HECW2: variants seen among roughly 807,000 people sequenced by gnomAD.
HECW2 encodes the protein E3 ubiquitin-protein ligase HECW2.
A neutral mutation model predicts 175.2 loss-of-function variants in HECW2; 61 were observed. That is an observed-to-expected ratio of 0.35 (90% CI 0.28 to 0.43). The LOEUF (loss-of-function observed/expected upper bound fraction) is 0.43. Ranked by LOEUF, HECW2 falls within the 20% of genes least tolerant of loss-of-function variation. HECW2 has a pLI of 1.00. For synonymous variants in HECW2, 671 were observed against 731.0 expected (o/e 0.92, Z 1.32); for missense variants, 1,524 against 2,000.5 (o/e 0.76, Z 4.54).
chr2:196,473,388 C>T (rs1225308012), intron 1 of HECW2, among the ~76,000 whole-genome samples: 2 of 152,156 alleles, frequency 1.3e-5, no homozygotes, highest in East Asian at 3.8e-4. Context: ...TATTCCTGCA[C>T]AGTGGTATGT....
intron 1 of HECW2, among the ~76,000 whole-genome samples, chr2:196,441,496 G>A (rs560827259): frequency 1.3e-5 from 2 of 152,080 alleles, no homozygotes; most frequent in South Asian, 2.1e-4. Flanking sequence ...TACATTTATA[G>A]TCAAGATATA....
chr2:196,491,347 C>T (rs1411479265), intron 1 of HECW2, among the ~76,000 whole-genome samples: 1 of 142,454 alleles, frequency 7.0e-6, no homozygotes, highest in Non-Finnish European at 1.5e-5. Flanking sequence ...ATGTCTAAAA[C>T]AAATACAAAA....
intron 1 of HECW2, among the ~76,000 whole-genome samples, chr2:196,573,145 G>A (rs1690443666): frequency 1.3e-5 from 2 of 151,700 alleles, no homozygotes; most frequent in African/African-American, 4.8e-5. Flanking sequence ...CAGGAGAGTG[G>A]CAGGCAGTTT....
At chr2:196,505,457 T>C (rs887825019) in intron 1 of HECW2, among the ~76,000 whole-genome samples, 2 of 152,032 alleles carry the variant, frequency 1.3e-5, no homozygotes, top group African/African-American at 4.8e-5. Context: ...GGAGAATCGC[T>C]TGAACCCAGG....
At chr2:196,509,915 C>T (rs115001147) in intron 1 of HECW2, among the ~76,000 whole-genome samples, 1,654 of 152,292 alleles carry the variant, frequency 0.011, 36 homozygotes, top group African/African-American at 0.038. Context: ...ACAATACAAT[C>T]GCTTGCTCTG....
rs140613868 is a variant in HECW2 at position 196,420,167 on chromosome 2, G to A, written c.292+12965C>T. 1.8e-3 allele frequency among the ~76,000 whole-genome samples: 279 copies of A among 152,238 alleles called. 1 individual carries two copies. Among genetic ancestry groups the A allele is most frequent in the African/African-American group, 6.2e-3 (258 of 41,540 alleles). Reference sequence around the variant, plus strand: ...TGAAAATGTGGAAGAATCCCTTAACGTCACCACTAAATCTGAGTTACAATA... The same window carrying A: ...TGAAAATGTGGAAGAATCCCTTAACATCACCACTAAATCTGAGTTACAATA... On this transcript the variant is annotated intron_variant, in intron 2 of 28. Transcript: ENST00000644978.
chr2:196,373,024 C>T (rs192106875), intron 2 of HECW2, among the ~76,000 whole-genome samples: 1 of 152,174 alleles, frequency 6.6e-6, no homozygotes, highest in African/African-American at 2.4e-5. Flanking sequence ...CAGCACACGA[C>T]CTGGTGCAGA....
At chr2:196,570,244 C>T (rs779823329) in intron 1 of HECW2, among the ~76,000 whole-genome samples, 11 of 151,958 alleles carry the variant, frequency 7.2e-5, no homozygotes, top group East Asian at 3.9e-4. Context: ...CTTTACAACA[C>T]GAGAAATGTA....
At chr2:196,573,615 G>C in intron 1 of HECW2, among the ~76,000 whole-genome samples, 1 of 152,060 alleles carries the variant, frequency 6.6e-6, no homozygotes, top group Middle Eastern at 3.2e-3. Context: ...AATAGGACCT[G>C]ACTCAGTGCC....
At chr2:196,271,371 C>T (rs1037123646) in intron 16 of HECW2, 82 bp from the exon 17 acceptor site, 23 of 985,518 alleles carry the variant, frequency 2.3e-5, no homozygotes, top group Middle Eastern at 6.3e-4. Flanking sequence ...ACCTGTGTGC[C>T]CCACCGGGTT....
At chr2:196,566,701 T>A (rs1690202449) in intron 1 of HECW2, among the ~76,000 whole-genome samples, 1 of 7,560 alleles carries the variant, frequency 1.3e-4, no homozygotes, top group Non-Finnish European at 2.7e-4. Flanking sequence ...CCCAGCTAAT[T>A]TTTTTTTTTT....
intron 1 of HECW2, among the ~76,000 whole-genome samples, chr2:196,501,631 C>T (rs570323753): frequency 6.6e-6 from 1 of 152,154 alleles, no homozygotes; most frequent in South Asian, 2.1e-4. Context: ...TTTGCAATTA[C>T]ATTTATGACA....
Position 196,300,198 on chromosome 2 carries a change from A to G in HECW2, c.2814+6290T>C, listed in dbSNP as rs1236636843. On this transcript the variant is annotated intron_variant, in intron 13 of 28. Transcript: ENST00000644978. ...CTGGGGTGGGCAATCTACAGGCCCA[A>G]TGGCTAGCTGTCTGTGTTTGTAAAC... Among the ~76,000 whole-genome samples, 12 of 152,344 alleles carry G rather than the reference A, an allele frequency of 7.9e-5. 1 individual carries two copies. In the East Asian group the frequency reaches 1.7e-3, roughly 22 times the overall value.
At chr2:196,246,639 C>G (rs940056342) in intron 19 of HECW2, among the ~76,000 whole-genome samples, 1 of 152,080 alleles carries the variant, frequency 6.6e-6, no homozygotes, top group African/African-American at 2.4e-5. Context: ...ATCCACCCCC[C>G]TCAGCCTCCC....
At chr2:196,419,585 C>T (rs1281375679) in intron 2 of HECW2, among the ~76,000 whole-genome samples, 1 of 152,198 alleles carries the variant, frequency 6.6e-6, no homozygotes, top group Non-Finnish European at 1.5e-5. Flanking sequence ...GTTCTGAATA[C>T]AGTGCATTAC....
At position 196,543,252 on chromosome 2, in the gene HECW2, A is replaced by C. The variant is rs189329991; in HGVS notation, c.-36+50256T>G. The stretch of plus-strand genomic sequence containing the variant: ...TACAAGTGAAGAGTGTCACATATTT[A>C]GATGCCTATAATTTCTCAGAATTAG... On this transcript the variant is annotated intron_variant, in intron 1 of 28. Transcript: ENST00000644978. 1.5e-3 allele frequency among the ~76,000 whole-genome samples: 234 copies of C among 151,396 alleles called. 1 individual carries two copies. The highest frequency in any genetic ancestry group is 5.5e-3 in the African/African-American group (227 of 41,452).
At chr2:196,532,171 G>A (rs1006525257) in intron 1 of HECW2, among the ~76,000 whole-genome samples, 5 of 152,120 alleles carry the variant, frequency 3.3e-5, no homozygotes, top group East Asian at 1.9e-4. Flanking sequence ...ATAAAGGCAC[G>A]TGCATATGTA....
At chr2:196,265,066 G>A (rs992858798) in intron 17 of HECW2, among the ~76,000 whole-genome samples, 7 of 152,216 alleles carry the variant, frequency 4.6e-5, no homozygotes, top group African/African-American at 1.7e-4. Flanking sequence ...TCAGTCCTCA[G>A]TCTAGGCATG....
intron 14 of HECW2, among the ~76,000 whole-genome samples, chr2:196,283,574 T>C (rs1215143538): frequency 1.3e-5 from 2 of 151,852 alleles, no homozygotes; most frequent in African/African-American, 4.8e-5. Flanking sequence ...AGAGACGGGG[T>C]TTCATCACGT....
Sources: gnomAD v4.1 joint callset for allele counts (sites outside exome capture counted in the v4.1 genomes callset) on GRCh38, gnomAD v4.1.1 for gene constraint, MANE v1.5 for transcripts, NCBI Gene and HGNC (gene_info 2026-07-23, HGNC 2026-07-21) for gene names.